Variants in PAN3 observed in about 807,000 individuals in gnomAD.
The protein encoded by PAN3 is poly(A) specific ribonuclease subunit PAN3, also known as PAN2-PAN3 deadenylation complex subunit PAN3.
In PAN3, 19 loss-of-function variants were observed where a neutral mutation model predicts 96.2. The ratio of observed to expected loss-of-function variants is 0.20; its 90% CI spans 0.14 to 0.29. The LOEUF (loss-of-function observed/expected upper bound fraction) is 0.29, where lower values mean the gene tolerates loss of function less well. Ranked by LOEUF, PAN3 falls within the 10% of genes least tolerant of loss-of-function variation. The pLI is 1.00. For synonymous variants in PAN3, 433 were observed against 406.6 expected (o/e 1.06, Z -0.78); for missense variants, 882 against 1,108.1 (o/e 0.80, Z 2.90).
intron 5 of PAN3, among the ~76,000 whole-genome samples, chr13:28,199,497 A>T (rs568646891): frequency 2.8e-4 from 43 of 152,264 alleles, no homozygotes; most frequent in African/African-American, 9.9e-4. Context: ...TCCTTTAAGG[A>T]CATAAGGAAT....
At chr13:28,289,789 G>T (rs1192926257) in intron 18 of PAN3, among the ~76,000 whole-genome samples, 1 of 152,218 alleles carries the variant, frequency 6.6e-6, no homozygotes, top group Non-Finnish European at 1.5e-5. Flanking sequence ...GGCTGAGACA[G>T]GAGAATGGCG....
At chr13:28,141,462 C>CTTTTT (rs759736683) in intron 1 of PAN3, among the ~76,000 whole-genome samples, 106 of 90,304 alleles carry the variant, frequency 1.2e-3, no homozygotes, top group East Asian at 2.0e-3. Flanking sequence ...TTCTTTTTTT[C>CTTTTT]TTTTTTTTTT....
chr13:28,213,063 A>G (rs1220352624), intron 5 of PAN3, among the ~76,000 whole-genome samples: 1 of 152,142 alleles, frequency 6.6e-6, no homozygotes, highest in Non-Finnish European at 1.5e-5. Context: ...AGGAATAACA[A>G]TACCATTGGC....
intron 18 of PAN3, among the ~76,000 whole-genome samples, chr13:28,291,044 T>G (rs947133129): frequency 6.6e-6 from 1 of 152,176 alleles, no homozygotes; most frequent in African/African-American, 2.4e-5. Flanking sequence ...TAGCTAGTAG[T>G]AAATAATACC....
intron 5 of PAN3, chr13:28,214,898 C>G: frequency 9.9e-7 from 1 of 1,007,170 alleles, no homozygotes; most frequent in Non-Finnish European, 1.5e-6. Flanking sequence ...CTAGTAGCTC[C>G]AAGAATGGGC....
intron 5 of PAN3, chr13:28,215,935 G>T: frequency 2.7e-6 from 3 of 1,115,338 alleles, no homozygotes; most frequent in Non-Finnish European, 4.0e-6. Flanking sequence ...GTCTTAATCA[G>T]TGGTGGAAGA....
rs916514913 is a variant in PAN3 at position 28,264,461 on chromosome 13, C to T, written c.1412-2254C>T. Among the ~76,000 whole-genome samples, 7 of 152,188 alleles carry T rather than the reference C, an allele frequency of 4.6e-5. 1 individual carries two copies. In the South Asian group the frequency reaches 8.3e-4, roughly 18 times the overall value. On this transcript the variant is annotated intron_variant, in intron 9 of 18. Coordinates refer to ENST00000380958, the MANE Select transcript of PAN3 (RefSeq NM_175854.8). ...GGCTGAGGCACAAGACTCGCTTGAA[C>T]CTGGGAGGTGGAGGTTGCAGTGAGA... is the stretch of plus-strand genomic sequence containing the variant.
intron 1 of PAN3, among the ~76,000 whole-genome samples, chr13:28,153,983 A>G (rs1424659034): frequency 6.6e-6 from 1 of 152,216 alleles, no homozygotes; most frequent in African/African-American, 2.4e-5. Context: ...TTATTGCTTT[A>G]TTGGCAGCTT....
chr13:28,179,103 A>G (rs571592921), intron 4 of PAN3, among the ~76,000 whole-genome samples: 1 of 152,348 alleles, frequency 6.6e-6, no homozygotes, highest in East Asian at 1.9e-4. Flanking sequence ...AGCAACTAGA[A>G]TTGATAGACT....
intron 4 of PAN3, among the ~76,000 whole-genome samples, chr13:28,188,659 A>G (rs981007738): frequency 1.3e-5 from 2 of 152,224 alleles, no homozygotes; most frequent in Admixed American, 6.5e-5. Context: ...ATGATTACAC[A>G]GTGATTATGT....
chr13:28,221,277 T>C (rs1203616750), intron 6 of PAN3, among the ~76,000 whole-genome samples: 1 of 152,018 alleles, frequency 6.6e-6, no homozygotes, highest in Non-Finnish European at 1.5e-5. Flanking sequence ...GTTTGTCGAA[T>C]GTTTGAGTTG....
intron 4 of PAN3, among the ~76,000 whole-genome samples, chr13:28,179,009 A>G (rs1875419212): frequency 6.6e-6 from 1 of 152,216 alleles, no homozygotes; most frequent in African/African-American, 2.4e-5. Flanking sequence ...ACTGATATAA[A>G]TTATGTTAAA....
chr13:28,291,023 A>T (rs1245223901), intron 18 of PAN3, among the ~76,000 whole-genome samples: 1 of 152,184 alleles, frequency 6.6e-6, no homozygotes, highest in Admixed American at 6.5e-5. Flanking sequence ...ATTCTGTTTC[A>T]CATCATGAAC....
Position 28,139,824 on chromosome 13 carries a change from A to G in PAN3, c.430+737A>G, listed in dbSNP as rs150441565. Among the ~76,000 whole-genome samples the G allele has an allele frequency of 6.8e-3, 1,038 of 152,218 alleles. 11 individuals are homozygous for G. The highest frequency in any genetic ancestry group is 0.024 in the African/African-American group (1,003 of 41,504). On this transcript the variant is annotated intron_variant, in intron 1 of 18. Coordinates refer to ENST00000380958, the MANE Select transcript of PAN3 (RefSeq NM_175854.8). ...GGGATCCTGTCTTCTATAGCTTTGT[A>G]TCAAGCAAACTCAGCATTGTGTCTT...
At chr13:28,206,677 G>A (rs1178086685) in intron 5 of PAN3, among the ~76,000 whole-genome samples, 1 of 151,486 alleles carries the variant, frequency 6.6e-6, no homozygotes, top group Admixed American at 6.6e-5. Context: ...ACAATTGACA[G>A]TTGACCATTC....
chr13:28,284,345 G>T (rs1868695615), intron 17 of PAN3, among the ~76,000 whole-genome samples: 2 of 148,434 alleles, frequency 1.3e-5, no homozygotes, highest in Admixed American at 6.7e-5. Flanking sequence ...CTTTCTTATT[G>T]ATATATAAGA....
At chr13:28,252,162 A>G (rs1884787231) in intron 6 of PAN3, among the ~76,000 whole-genome samples, 1 of 131,300 alleles carries the variant, frequency 7.6e-6, no homozygotes, top group Non-Finnish European at 1.6e-5. Context: ...TGCTGGGATT[A>G]TATGTGTGAG....
Position 28,280,408 on chromosome 13 carries a change from G to A in PAN3, c.2190-4G>A, listed in dbSNP as rs1475894113. On this transcript the variant is annotated splice_polypyrimidine_tract_variant and splice_region_variant and intron_variant, in intron 15 of 18. Coordinates refer to ENST00000380958, the MANE Select transcript of PAN3 (RefSeq NM_175854.8). ...CCAAGTAATTCCTCTTTTATCTTGG[G>A]TAGGTATTTGTTGACTGACCAAAAC... The A allele has an allele frequency of 2.5e-6, 4 of 1,600,744 alleles. No homozygotes were observed. The highest frequency in any genetic ancestry group is 2.2e-5 in the East Asian group (1 of 44,748).
chr13:28,281,557 T>TA (rs1422614151), intron 17 of PAN3, among the ~76,000 whole-genome samples, 178 bp downstream of exon 17: 3 of 152,310 alleles, frequency 2.0e-5, no homozygotes, highest in East Asian at 3.9e-4. Context: ...TGGCTGTCCT[T>TA]ACGAATTTTA....
Sources: allele counts gnomAD v4.1 joint callset (sites outside exome capture counted in the v4.1 genomes callset), GRCh38; gene constraint gnomAD v4.1.1; transcripts MANE v1.5; gene names NCBI Gene and HGNC (gene_info 2026-07-23, HGNC 2026-07-21).